GHR: variants seen among roughly 807,000 people sequenced by gnomAD.
GHR encodes GH receptor.
A neutral mutation model predicts 67.1 loss-of-function variants in GHR; 35 were observed. That is an observed-to-expected ratio of 0.52 (90% confidence interval 0.40 to 0.69). The LOEUF (loss-of-function observed/expected upper bound fraction) is 0.69. GHR is among the 30% of genes least tolerant of loss of function. The pLI, the probability that GHR is intolerant of heterozygous loss-of-function variation, is 0.00. For synonymous variants in GHR, 272 were observed against 269.1 expected (o/e 1.01, Z -0.10); for missense variants, 792 against 764.6 (o/e 1.04, Z -0.42).
At chr5:42,659,758 G>T (rs1027898019) in intron 3 of GHR, among the ~76,000 whole-genome samples, 1 of 152,132 alleles carries the variant, frequency 6.6e-6, no homozygotes, top group East Asian at 1.9e-4. Context: ...CAGTGGGCCC[G>T]GGACAGTGGG....
rs10674513 is a variant in GHR, at chr5:42,718,332, T to TTA, written c.946-121_946-120insTA. 158 of 812,074 alleles carry TTA rather than the reference T, an allele frequency of 1.9e-4. No homozygotes were observed. In the African/African-American group the frequency reaches 2.2e-3, roughly 11 times the overall value. 50.3% of individuals were successfully genotyped at this position (812,074 alleles called of 1,614,324 possible). The stretch of plus-strand genomic sequence containing the variant: ...AGTTACACACTAATTTATGTTTTTT[T>TTA]ATATGTTTTGTTACTGTTGTTCTTA... On this transcript the variant is annotated intron_variant, in intron 9 of 9. Coordinates refer to ENST00000230882, the MANE Select transcript of GHR (RefSeq NM_000163.5).
At chr5:42,685,746 T>C (rs1443719775) in intron 3 of GHR, among the ~76,000 whole-genome samples, 1 of 152,246 alleles carries the variant, frequency 6.6e-6, no homozygotes, top group African/African-American at 2.4e-5. Flanking sequence ...TGTCTTCTTT[T>C]GAGAAGTGTC....
At chr5:42,477,814 T>A (rs554787457) in intron 1 of GHR, among the ~76,000 whole-genome samples, 1 of 152,214 alleles carries the variant, frequency 6.6e-6, no homozygotes, top group South Asian at 2.1e-4. Context: ...TTGCAAAAAT[T>A]TTCTCCCATT....
chr5:42,447,853 C>A (rs1384104457), intron 1 of GHR, among the ~76,000 whole-genome samples: 1 of 151,794 alleles, frequency 6.6e-6, no homozygotes, highest in Non-Finnish European at 1.5e-5. Context: ...AACGTCCAAC[C>A]TCTGCCTCCC....
intron 6 of GHR, among the ~76,000 whole-genome samples, chr5:42,710,315 A>G (rs1243065397): frequency 6.6e-6 from 1 of 152,176 alleles, no homozygotes; most frequent in Non-Finnish European, 1.5e-5. Context: ...GCGAAAATCC[A>G]TGCTGTTGAA....
chr5:42,685,743 T>C (rs1561226792), intron 3 of GHR, among the ~76,000 whole-genome samples: 1 of 152,238 alleles, frequency 6.6e-6, no homozygotes, highest in Non-Finnish European at 1.5e-5. Context: ...AAATGTCTTC[T>C]TTTGAGAAGT....
intron 1 of GHR, among the ~76,000 whole-genome samples, chr5:42,532,287 T>A (rs1189310578): frequency 6.6e-6 from 1 of 152,144 alleles, no homozygotes; most frequent in Non-Finnish European, 1.5e-5. Context: ...TGTGTAATAT[T>A]TAGGGACTTG....
At chr5:42,496,067 T>C (rs1746308821) in intron 1 of GHR, among the ~76,000 whole-genome samples, 1 of 152,142 alleles carries the variant, frequency 6.6e-6, no homozygotes. Context: ...TAGCCCTTGG[T>C]AAAAAGTATT....
rs189399171 is a variant in GHR at position 42,584,190 on chromosome 5, C to T, written c.70+18246C>T. ...GGTGTTTAGTGATTATTTAGTCTTC[C>T]GTGAAGTAATAAATAATAACTTGCA... On this transcript the variant is annotated intron_variant, in intron 2 of 9. Coordinates refer to ENST00000230882, the MANE Select transcript of GHR (RefSeq NM_000163.5). Among the ~76,000 whole-genome samples, 59 of 151,720 alleles carry T rather than the reference C, an allele frequency of 3.9e-4. No individual in the cohort carries two copies. The East Asian group carries it at 0.01, about 26-fold the overall frequency.
intron 2 of GHR, among the ~76,000 whole-genome samples, chr5:42,567,773 G>A (rs1750029703): frequency 4.0e-5 from 2 of 49,710 alleles, no homozygotes; most frequent in South Asian, 7.4e-4. Flanking sequence ...GGCTCTGTGT[G>A]TGTGTGTGTG....
At chr5:42,598,187 A>T (rs1752181053) in intron 2 of GHR, among the ~76,000 whole-genome samples, 1 of 152,114 alleles carries the variant, frequency 6.6e-6, no homozygotes, top group African/African-American at 2.4e-5. Context: ...TAATGTATGT[A>T]AGTATTGTTC....
At chr5:42,504,367 T>C (rs995663624) in intron 1 of GHR, among the ~76,000 whole-genome samples, 14 of 151,856 alleles carry the variant, frequency 9.2e-5, no homozygotes, top group African/African-American at 2.9e-4. Context: ...AAGAGTTGAG[T>C]GTAGGTAAAT....
chr5:42,539,135 T>G (rs1748389469), intron 1 of GHR, among the ~76,000 whole-genome samples: 1 of 152,194 alleles, frequency 6.6e-6, no homozygotes, highest in African/African-American at 2.4e-5. Flanking sequence ...CTTTCTCTAG[T>G]GCCTCCCTGA....
Position 42,565,881 on chromosome 5 carries a change from C to T in GHR, c.7C>T (p.Leu3Phe), listed in dbSNP as rs1241437411. 1.9e-6 allele frequency: 3 copies of T among 1,613,834 alleles called. No individual in the cohort carries two copies. The highest frequency in any genetic ancestry group is 2.5e-6 in the Non-Finnish European group (3 of 1,179,870). Residue 3 changes from leucine to phenylalanine, a missense_variant, in exon 2 of 10, where the codon CTC becomes TTC. By Grantham distance (22) the Leu-to-Phe change is conservative (BLOSUM62 0). Transcript: ENST00000230882. ...GATTGCAGGTCCTACAGGTATGGAT[C>T]TCTGGCAGCTGCTGTTGACCTTGGC... MD[L>F]WQLLLTLALA...
intron 1 of GHR, among the ~76,000 whole-genome samples, chr5:42,436,461 T>C (rs1323658642): frequency 1.3e-5 from 2 of 152,220 alleles, no homozygotes; most frequent in Non-Finnish European, 2.9e-5. Context: ...GCCTTGAATT[T>C]GTGGATTATT....
In GHR at chr5:42,571,838, G is replaced by T. The variant is rs115783140; in HGVS notation, c.70+5894G>T. ...TCCTAAATTGTGGCTCTTGTTATGG[G>T]GTAGACAGGAATGAGGTTGACATAA... On this transcript the variant is annotated intron_variant, in intron 2 of 9. Coordinates refer to ENST00000230882, the MANE Select transcript of GHR (RefSeq NM_000163.5). Among the ~76,000 whole-genome samples, 911 of 152,268 alleles carry T rather than the reference G, an allele frequency of 6.0e-3. 11 individuals carry two copies. The highest frequency in any genetic ancestry group is 0.021 in the African/African-American group (882 of 41,546).
At chr5:42,530,468 G>A (rs1345576386) in intron 1 of GHR, among the ~76,000 whole-genome samples, 2 of 152,150 alleles carry the variant, frequency 1.3e-5, no homozygotes, top group Non-Finnish European at 2.9e-5. Flanking sequence ...GTAGCAAGAT[G>A]AGCCATGGTT....
At chr5:42,595,384 T>C (rs987631854) in intron 2 of GHR, among the ~76,000 whole-genome samples, 1 of 152,208 alleles carries the variant, frequency 6.6e-6, no homozygotes, top group Non-Finnish European at 1.5e-5. Flanking sequence ...ATATGGTCAG[T>C]ATAAATCTTA....
chr5:42,445,178 AC>A (rs1743754407), intron 1 of GHR, among the ~76,000 whole-genome samples: 1 of 152,236 alleles, frequency 6.6e-6, no homozygotes, highest in Non-Finnish European at 1.5e-5. Flanking sequence ...CAGTGGACCC[AC>A]AGTGGACATT....
Sources: gnomAD v4.1 joint callset for allele counts (sites outside exome capture counted in the v4.1 genomes callset) on GRCh38, gnomAD v4.1.1 for gene constraint, MANE v1.5 for transcripts, NCBI Gene and HGNC (gene_info 2026-07-23, HGNC 2026-07-21) for gene names.